Variants in ADAMTS3 observed in about 807,000 individuals in gnomAD.
ADAMTS3 encodes A disintegrin and metalloproteinase with thrombospondin motifs 3.
ADAMTS3 carries 73 observed loss-of-function variants against 129.0 expected under a neutral mutation model. The observed-to-expected ratio is 0.57, with a 90% confidence interval of 0.47 to 0.69. ADAMTS3 has a LOEUF of 0.69. ADAMTS3 is among the 30% of genes least tolerant of loss of function. The pLI is 0.00. For synonymous variants in ADAMTS3, 477 were observed against 510.8 expected (o/e 0.93, Z 0.89); for missense variants, 1,457 against 1,514.5 (o/e 0.96, Z 0.63).
chr4:72,465,616 A>G (rs1231360300), intron 3 of ADAMTS3, among the ~76,000 whole-genome samples: 1 of 151,992 alleles, frequency 6.6e-6, no homozygotes, highest in South Asian at 2.1e-4. Flanking sequence ...AAAGGGCAAA[A>G]TCTCTACCTT....
At chr4:72,483,901 C>T (rs1719508992) in intron 3 of ADAMTS3, among the ~76,000 whole-genome samples, 1 of 152,052 alleles carries the variant, frequency 6.6e-6, no homozygotes, top group African/African-American at 2.4e-5. Context: ...GCCTGTAGTC[C>T]CAGCTACTCA....
At position 72,313,760 on chromosome 4, in the gene ADAMTS3, C is replaced by T; in HGVS notation, c.1662G>A (p.Trp554Ter). Residue 554 changes from tryptophan (W) to a stop codon, truncating the protein, a stop_gained, in exon 12 of 22, where the codon TGG becomes TGA. Coordinates refer to ENST00000286657, the MANE Select transcript of ADAMTS3 (RefSeq NM_014243.3). LOFTEE classifies it high-confidence loss of function. ...AGGAGCCAAATTTAGTCCATGACCC[C>T]CAATTGCCATCTTGTTTTTGCTGAT... ...NANQQKQDGN[W>*]GSWTKFGSCS... The T allele has an allele frequency of 6.2e-7, 1 of 1,613,858 alleles. No individual in the cohort carries two copies. The highest frequency in any genetic ancestry group is 1.1e-5 in the South Asian group (1 of 91,078).
intron 3 of ADAMTS3, among the ~76,000 whole-genome samples, chr4:72,496,890 G>A (rs1262389165): frequency 6.6e-6 from 1 of 151,936 alleles, no homozygotes; most frequent in Non-Finnish European, 1.5e-5. Flanking sequence ...ACATTCAGCC[G>A]CACATCAAGA....
Position 72,468,762 on chromosome 4 carries a change from C to T in ADAMTS3, c.505-53791G>A, listed in dbSNP as rs538728810. Among the ~76,000 whole-genome samples, 9 of 150,004 alleles carry T rather than the reference C, an allele frequency of 6.0e-5. No homozygotes were observed. The East Asian group carries it at 1.2e-3, about 20-fold the overall frequency. On this transcript the variant is annotated intron_variant, in intron 3 of 21. Transcript: ENST00000286657. ...CTGGCATGTATTATGAAAAAAAAAA[C>T]GAGAAGAAAACTTAGAATAGAATGT... is the stretch of plus-strand genomic sequence containing the variant.
Position 72,530,241 on chromosome 4 carries a change from TATATATAATATATTTATATTATATATA to T in ADAMTS3, c.504+18210_504+18236del, listed in dbSNP as rs1212529693. On this transcript the variant is annotated intron_variant, in intron 3 of 21. Coordinates refer to ENST00000286657, the MANE Select transcript of ADAMTS3 (RefSeq NM_014243.3). ...ATATATATATATTATATATATTAAA[TATATATAATATATTTATATTATATATA>T]ATATATAATATATAATAACATATAA... Among the ~76,000 whole-genome samples the T allele has an allele frequency of 1.0e-3, 83 of 80,128 alleles. No individual in the cohort carries two copies. In the South Asian group the frequency reaches 0.012, roughly 11 times the overall value. The allele number at this position is 80,128 out of a possible 152,430, so 52.6% of individuals were successfully genotyped here.
chr4:72,539,116 G>A (rs1721253477), intron 3 of ADAMTS3, among the ~76,000 whole-genome samples: 1 of 151,934 alleles, frequency 6.6e-6, no homozygotes, highest in Non-Finnish European at 1.5e-5. Context: ...TTTTGCAATA[G>A]ATTTCACATC....
At chr4:72,535,383 A>G (rs1721159768) in intron 3 of ADAMTS3, among the ~76,000 whole-genome samples, 1 of 152,152 alleles carries the variant, frequency 6.6e-6, no homozygotes, top group Admixed American at 6.5e-5. Flanking sequence ...GCTTCGTACG[A>G]TCAGCTCAGA....
At chr4:72,374,197 A>G (rs1721083437) in intron 4 of ADAMTS3, among the ~76,000 whole-genome samples, 1 of 152,012 alleles carries the variant, frequency 6.6e-6, no homozygotes, top group Non-Finnish European at 1.5e-5. Flanking sequence ...CTCATTCTAT[A>G]GCTTTTTTTT....
At chr4:72,346,701 T>C (rs1369091) in intron 4 of ADAMTS3, among the ~76,000 whole-genome samples, 121,684 of 152,052 alleles carry the variant, frequency 0.8, 49,100 homozygotes, top group African/African-American at 0.88. Context: ...ATGAGACATA[T>C]TTAATACTAA....
rs146366382 is a variant in ADAMTS3 at position 72,404,825 on chromosome 4, A to AACACACACAC, written c.661+9980_661+9989dup. ...AGTAGCAAAACAAACAAGCAAACAAAACACACACACACACACACACACACA... is the reference window on the plus strand; with the variant it reads ...AGTAGCAAAACAAACAAGCAAACAAAACACACACACACACACACACACACACACACACACA... On this transcript the variant is annotated intron_variant, in intron 4 of 21. Transcript: ENST00000286657. Among the ~76,000 whole-genome samples, 775 of 148,912 alleles carry AACACACACAC rather than the reference A, an allele frequency of 5.2e-3. 2 individuals carry two copies. Among genetic ancestry groups the AACACACACAC allele is most frequent in the African/African-American group, 0.018 (737 of 40,596 alleles).
At position 72,564,990 on chromosome 4, in the gene ADAMTS3, C is replaced by A. The variant is rs537088324; in HGVS notation, c.97+2384G>T. Among the ~76,000 whole-genome samples the A allele has an allele frequency of 1.8e-4, 28 of 152,234 alleles. 1 individual carries two copies. The South Asian group carries it at 5.6e-3, about 30-fold the overall frequency. ...AATGCTTGGCAGTTGGCATGAGGGA[C>A]GTACAGGGATTCCAGTAATGTTCAA... is the stretch of plus-strand genomic sequence containing the variant. On this transcript the variant is annotated intron_variant, in intron 2 of 21. Transcript: ENST00000286657.
chr4:72,550,040 GAA>G lies in ADAMTS3; in HGVS notation c.98-1158_98-1157del, dbSNP rs1721592727. Among the ~76,000 whole-genome samples, 8 of 8,762 alleles carry G rather than the reference GAA, an allele frequency of 9.1e-4. 1 individual carries two copies. Among genetic ancestry groups the G allele is most frequent in the African/African-American group, 3.9e-3 (8 of 2,032 alleles). The allele number at this position is 8,762 out of a possible 152,430, so 5.7% of individuals were successfully genotyped here. On this transcript the variant is annotated intron_variant, in intron 2 of 21. Transcript: ENST00000286657. The stretch of plus-strand genomic sequence containing the variant: ...AGAAGAAGAAGAAGAAGAAGAAGAA[GAA>G]GAGGAAGAGGAAGAGGAAGAGGAAG...
chr4:72,424,165 C>T (rs1296387635), intron 3 of ADAMTS3, among the ~76,000 whole-genome samples: 2 of 152,062 alleles, frequency 1.3e-5, no homozygotes, highest in African/African-American at 4.8e-5. Flanking sequence ...AATAATAACC[C>T]TTCCAGATGC....
chr4:72,550,081 G>GGAAGAAGAAGAAGAAGAA (rs1182642409), intron 2 of ADAMTS3, among the ~76,000 whole-genome samples: 6 of 26,040 alleles, frequency 2.3e-4, no homozygotes, highest in East Asian at 1.3e-3. Flanking sequence ...AAGAGGAAGA[G>GGAAGAAGAAGAAGAAGAA]GAAGAAGAAG....
chr4:72,471,242 A>G (rs1016806160), intron 3 of ADAMTS3, among the ~76,000 whole-genome samples: 2 of 152,188 alleles, frequency 1.3e-5, no homozygotes, highest in Admixed American at 1.3e-4. Flanking sequence ...TGCCACTGTT[A>G]GCTTAACAGA....
intron 3 of ADAMTS3, among the ~76,000 whole-genome samples, chr4:72,515,435 A>C (rs904645784): frequency 3.9e-5 from 6 of 151,934 alleles, no homozygotes; most frequent in Admixed American, 1.3e-4. Context: ...TGGTTGAACT[A>C]GTTTACAGTC....
intron 3 of ADAMTS3, among the ~76,000 whole-genome samples, chr4:72,537,918 G>A (rs1353464038): frequency 1.3e-5 from 2 of 152,066 alleles, no homozygotes; most frequent in Admixed American, 1.3e-4. Flanking sequence ...TATAGGTAAA[G>A]AAATGAAAAT....
intron 5 of ADAMTS3, among the ~76,000 whole-genome samples, chr4:72,326,048 A>C (rs78285741): frequency 0.011 from 1,692 of 152,246 alleles, 19 homozygotes; most frequent in African/African-American, 0.039. Flanking sequence ...CCAAAATAAA[A>C]GTATTACTTA....
Position 72,468,168 on chromosome 4 carries a change from A to G in ADAMTS3, c.505-53197T>C, listed in dbSNP as rs145515942. On this transcript the variant is annotated intron_variant, in intron 3 of 21. Coordinates refer to ENST00000286657, the MANE Select transcript of ADAMTS3 (RefSeq NM_014243.3). ...TCTAAAAATAGTGAAATGAAAAACT[A>G]TTTTAGATTCCTTCATTTACAAACT... Among the ~76,000 whole-genome samples the G allele has an allele frequency of 2.0e-3, 309 of 152,226 alleles. 3 individuals carry two copies. Among genetic ancestry groups the G allele is most frequent in the African/African-American group, 7.2e-3 (300 of 41,574 alleles).
Sources: allele counts gnomAD v4.1 joint callset (sites outside exome capture counted in the v4.1 genomes callset), GRCh38; gene constraint gnomAD v4.1.1; transcripts MANE v1.5; gene names NCBI Gene and HGNC (gene_info 2026-07-23, HGNC 2026-07-21).